CC2D2A: variants seen among roughly 807,000 people sequenced by gnomAD.
CC2D2A encodes the protein coiled-coil and C2 domain containing 2A.
A neutral mutation model predicts 212.9 loss-of-function variants in CC2D2A; 155 were observed. The ratio of observed to expected loss-of-function variants is 0.73; its 90% CI spans 0.64 to 0.83. The LOEUF (loss-of-function observed/expected upper bound fraction) is 0.83. CC2D2A is among the 40% of genes least tolerant of loss of function. The pLI is 0.00. For synonymous variants in CC2D2A, 667 were observed against 686.5 expected, an observed-to-expected ratio of 0.97 and a Z score of 0.44; for missense variants, 1,856 against 1,956.2, an observed-to-expected ratio of 0.95 and a Z score of 0.97.
chr4:15,522,982 G>A (rs1484418356), intron 11 of CC2D2A, among the ~76,000 whole-genome samples: 1 of 151,572 alleles, frequency 6.6e-6, no homozygotes, highest in Non-Finnish European at 1.5e-5. Flanking sequence ...GGTGGGGGTG[G>A]TGAGTGGGTG....
At chr4:15,560,286 T>TACCAGGAACTCC (rs1341778985) in intron 22 of CC2D2A, among the ~76,000 whole-genome samples, 1 of 152,166 alleles carries the variant, frequency 6.6e-6, no homozygotes, top group Non-Finnish European at 1.5e-5. Flanking sequence ...CCGGGAACTT[T>TACCAGGAACTCC]ACCAGGAACT....
In CC2D2A at chr4:15,520,749, T is replaced by G. The variant is rs537004282; in HGVS notation, c.1149+3993T>G. ...CCCATCTAGACATAAGCTAAGCGGC[T>G]CTGGTGTATTTACCAGGTGGAATGC... On this transcript the variant is annotated intron_variant, in intron 11 of 36. Coordinates refer to ENST00000424120, the MANE Select transcript of CC2D2A (RefSeq NM_001378615.1). 7.2e-5 allele frequency among the ~76,000 whole-genome samples: 11 copies of G among 152,286 alleles called. No individual in the cohort carries two copies. In the South Asian group the frequency reaches 2.3e-3, roughly 32 times the overall value.
intron 4 of CC2D2A, among the ~76,000 whole-genome samples, chr4:15,497,192 A>G (rs1715668027): frequency 6.6e-6 from 1 of 152,218 alleles, no homozygotes; most frequent in Non-Finnish European, 1.5e-5. Flanking sequence ...CTAAAACAGC[A>G]TGGTACAGGT....
At chr4:15,594,787 T>C (rs1721245502) in intron 33 of CC2D2A, among the ~76,000 whole-genome samples, 1 of 152,162 alleles carries the variant, frequency 6.6e-6, no homozygotes, top group South Asian at 2.1e-4. Flanking sequence ...TGTTATCCCA[T>C]GTGTCTACTT....
chr4:15,490,078 A>G (rs766641157), intron 4 of CC2D2A, among the ~76,000 whole-genome samples: 1 of 152,212 alleles, frequency 6.6e-6, no homozygotes, highest in Non-Finnish European at 1.5e-5. Flanking sequence ...CAGACTAAAT[A>G]TGCAACCGCG....
chr4:15,580,934 C>T (rs1430027462), intron 30 of CC2D2A, among the ~76,000 whole-genome samples: 2 of 152,076 alleles, frequency 1.3e-5, no homozygotes, highest in South Asian at 2.1e-4. Flanking sequence ...GCATTTAGAC[C>T]ATCATTCCAA....
chr4:15,558,487 G>C (rs1026011550), intron 21 of CC2D2A, among the ~76,000 whole-genome samples: 1 of 151,974 alleles, frequency 6.6e-6, no homozygotes, highest in African/African-American at 2.4e-5. Context: ...TCCTCTCTAG[G>C]CTTCTTTGAT....
At chr4:15,545,275 A>G (rs1718652162) in intron 17 of CC2D2A, among the ~76,000 whole-genome samples, 1 of 152,232 alleles carries the variant, frequency 6.6e-6, no homozygotes, top group Non-Finnish European at 1.5e-5. Context: ...TTTAAAGCAT[A>G]GTATATTTCA....
At chr4:15,567,854 G>A (rs1386494491) in intron 26 of CC2D2A, 68 bp downstream of exon 26, 2 of 1,142,392 alleles carry the variant, frequency 1.8e-6, no homozygotes, top group African/African-American at 3.2e-5. Context: ...GCAGGCTCAT[G>A]AGAAACGGCT....
intron 30 of CC2D2A, among the ~76,000 whole-genome samples, chr4:15,582,681 T>TGA (rs1203735078): frequency 1.3e-5 from 2 of 151,954 alleles, no homozygotes; most frequent in Non-Finnish European, 2.9e-5. Flanking sequence ...TAACAAGTAA[T>TGA]GAGATTGAAG....
Position 15,533,209 on chromosome 4 carries a change from C to T in CC2D2A, c.1483C>T (p.Arg495Cys), listed in dbSNP as rs754391657. The T allele has an allele frequency of 1.1e-5, 17 of 1,578,704 alleles. No homozygotes were observed. The highest frequency in any genetic ancestry group is 2.8e-5 in the African/African-American group (2 of 72,604). ...ATCTTGCAGACAAACAAGAAAATTC[C>T]GTGATGCTGAACAAGAAAAAGATAG... is the stretch of plus-strand genomic sequence containing the variant. The part of the protein sequence containing the change: ...KSEIRQTRKF[R>C]DAEQEKDRTL... The change falls in exon 14 of 37, where the codon CGT (arginine) becomes TGT (cysteine). Residue 495 changes from arginine to cysteine, a missense_variant. Physicochemically the swap from Arg to Cys is radical, Grantham distance 180. Around this residue, in one of 5 missense-constraint regions of CC2D2A, gnomAD observed 1,512 missense variants for 1,579.3 expected, o/e 0.96. Transcript: ENST00000424120.
chr4:15,574,449 T>A, intron 29 of CC2D2A, 123 bp downstream of exon 29: 1 of 698,124 alleles, frequency 1.4e-6, no homozygotes, highest in Non-Finnish European at 2.2e-6. Flanking sequence ...AATCTCCATT[T>A]ATTATTCTTT....
Position 15,528,719 on chromosome 4 carries a change from G to A in CC2D2A, c.1459G>A (p.Glu487Lys). The A allele has an allele frequency of 6.3e-7, 1 of 1,596,636 alleles. No homozygotes were observed. The change falls in exon 13 of 37, where the codon GAA (glutamate) becomes AAA (lysine). Residue 487 changes from glutamate (E) to lysine (K), a missense_variant. Physicochemically the swap from Glu to Lys is moderately conservative, Grantham distance 56 (BLOSUM62 1). This residue lies in a region of CC2D2A where 1,512 missense variants were observed against 1,579.3 expected (regional missense o/e 0.96). Transcript: ENST00000424120. ...IQKTINEYKS[E>K]IRQTRKFRDA... ...AAAAACCATCAATGAGTATAAATCT[G>A]AAATTCGGTGAGTAAAGTTTGTTAA...
Position 15,523,477 on chromosome 4 carries a change from C to T in CC2D2A, c.1150-3970C>T, listed in dbSNP as rs775771919. Among the ~76,000 whole-genome samples, 4 of 152,182 alleles carry T rather than the reference C, an allele frequency of 2.6e-5. No homozygotes were observed. The East Asian group carries it at 7.7e-4, about 29-fold the overall frequency. ...CCACTAGATAAAACTGTCACTTTCCCATCATTGTTCTCACCAGTTTTTCAC... is the reference window on the plus strand; with the variant it reads ...CCACTAGATAAAACTGTCACTTTCCTATCATTGTTCTCACCAGTTTTTCAC... On this transcript the variant is annotated intron_variant, in intron 11 of 36. Transcript: ENST00000424120.
chr4:15,517,159 G>A (rs1019932362), intron 11 of CC2D2A, among the ~76,000 whole-genome samples: 39 of 151,780 alleles, frequency 2.6e-4, no homozygotes, highest in African/African-American at 8.5e-4. Flanking sequence ...GTGTTAGCCA[G>A]GATGGTCTCG....
At chr4:15,520,213 C>CT (rs936437964) in intron 11 of CC2D2A, among the ~76,000 whole-genome samples, 49 of 152,204 alleles carry the variant, frequency 3.2e-4, no homozygotes, top group African/African-American at 1.2e-3. Flanking sequence ...TGAGTATGAC[C>CT]TTTTTAAAAA....
chr4:15,470,703 A>AC, intron 1 of CC2D2A, among the ~76,000 whole-genome samples: 2 of 46,390 alleles, frequency 4.3e-5, no homozygotes, highest in African/African-American at 6.5e-5. Context: ...ATATATATAT[A>AC]TATATATATA....
intron 21 of CC2D2A, 40 bp from the exon 22 acceptor site, chr4:15,559,125 C>T (rs1560182350): frequency 4.3e-6 from 5 of 1,161,426 alleles, no homozygotes; most frequent in Non-Finnish European, 6.2e-6. Context: ...AGAAAAGCAC[C>T]AGAGAGTGCT....
chr4:15,478,947 C>T lies in CC2D2A; in HGVS notation c.123+141C>T, dbSNP rs932225717. 5.6e-5 allele frequency: 40 copies of T among 720,604 alleles called. No individual in the cohort carries two copies. The Middle Eastern group carries it at 7.8e-4, about 14-fold the overall frequency. The allele number at this position is 720,604 out of a possible 1,614,324, so 44.6% of individuals were successfully genotyped here. On this transcript the variant is annotated intron_variant, in intron 3 of 36. Transcript: ENST00000424120. ...TGGCCTGCTCTGGGGGGCTGTGAGG[C>T]GGGGATGCAGATGGGTGGTCCAGGG...
Sources: allele counts gnomAD v4.1 joint callset (sites outside exome capture counted in the v4.1 genomes callset), GRCh38; gene constraint gnomAD v4.1.1; regional missense constraint gnomAD v4.1.1; transcripts MANE v1.5; gene names NCBI Gene and HGNC (gene_info 2026-07-23, HGNC 2026-07-21).